The following RNF212 variants were observed in gnomAD, a reference collection of about 807,000 sequenced individuals.
RNF212 encodes ring finger protein 212.
Under a neutral mutation model 34.7 loss-of-function variants are expected in RNF212, and 33 were observed. The observed-to-expected ratio is 0.95, with a 90% confidence interval of 0.72 to 1.27. RNF212 has a LOEUF of 1.27. Among genes scored for constraint, RNF212 ranks in the 50% most tolerant of loss-of-function variants. RNF212 has a pLI of 0.00. For missense variants in RNF212, 377 were observed against 362.2 expected, an observed-to-expected ratio of 1.04 and a Z score of -0.33; for synonymous variants, 140 against 136.1, an observed-to-expected ratio of 1.03 and a Z score of -0.20.
chr4:1,072,808 T>G lies in RNF212; in HGVS notation c.*66A>C. The G allele has an allele frequency of 6.7e-7, 1 of 1,493,928 alleles. No homozygotes were observed. The highest frequency in any genetic ancestry group is 8.9e-7 in the Non-Finnish European group (1 of 1,118,132). 92.5% of individuals were successfully genotyped at this position (1,493,928 alleles called of 1,614,324 possible). On this transcript the variant is annotated 3_prime_UTR_variant, in exon 10 of 10. Coordinates refer to ENST00000433731, the MANE Select transcript of RNF212 (RefSeq NM_001131034.4). ...TGACAAAGGAATAAAGCAGATAATT[T>G]GTAGAAAAAACACAGAGGAATAAAT...
intron 3 of RNF212, among the ~76,000 whole-genome samples, chr4:1,061,579 A>G (rs1194184242): frequency 1.3e-5 from 2 of 152,198 alleles, no homozygotes; most frequent in Non-Finnish European, 2.9e-5. Flanking sequence ...GGCTCCCCAC[A>G]TGCACAGATC....
In RNF212 at chr4:1,072,610, A is replaced by C; in HGVS notation, c.*264T>G. 2.0e-6 allele frequency: 2 copies of C among 995,056 alleles called. No homozygotes were observed. Among genetic ancestry groups the C allele is most frequent in the Non-Finnish European group, 2.5e-6 (2 of 801,572 alleles). 61.6% of individuals were successfully genotyped at this position (995,056 alleles called of 1,614,324 possible). A position where few individuals can be genotyped will look rare whatever the true frequency, so the allele number is the denominator to read the frequency against. On this transcript the variant is annotated 3_prime_UTR_variant, in exon 10 of 10. Transcript: ENST00000433731. ...CACCCAGTTAGAAAAAAATGATTTA[A>C]GTATGTGAAAAAAAAACTCCCTAAG...
chr4:1,057,204 G>A (rs1350706053), intron 4 of RNF212, among the ~76,000 whole-genome samples: 1 of 152,200 alleles, frequency 6.6e-6, no homozygotes, highest in East Asian at 1.9e-4. Flanking sequence ...GCACCCAGGA[G>A]GGTCGACAAC....
chr4:1,061,928 C>T (rs1359811675), intron 3 of RNF212, among the ~76,000 whole-genome samples: 1 of 152,194 alleles, frequency 6.6e-6, no homozygotes, highest in Non-Finnish European at 1.5e-5. Flanking sequence ...TGACCACACT[C>T]AGGGAAAAGG....
chr4:1,105,682 C>T (rs549811167), intron 2 of RNF212, among the ~76,000 whole-genome samples: 71 of 152,364 alleles, frequency 4.7e-4, no homozygotes, highest in African/African-American at 1.6e-3. Context: ...CTGATTTCAC[C>T]GAAGTGCTCA....
At chr4:1,093,959 GA>G in intron 3 of RNF212, 1 of 1,536,238 alleles carries the variant, frequency 6.5e-7, no homozygotes, top group African/African-American at 1.4e-5. Context: ...CACCTCCTTG[GA>G]GGATGTGGCT....
chr4:1,057,993 G>A (rs1355661987), intron 4 of RNF212, among the ~76,000 whole-genome samples: 8 of 152,028 alleles, frequency 5.3e-5, no homozygotes, highest in Admixed American at 2.6e-4. Flanking sequence ...CCCAGGAGGC[G>A]GAGGTTGCGG....
intron 4 of RNF212, among the ~76,000 whole-genome samples, chr4:1,086,550 C>T (rs974962420): frequency 9.6e-6 from 1 of 104,144 alleles, no homozygotes; most frequent in East Asian, 2.8e-4. Context: ...TATGATGGGG[C>T]TGTGGTGGCC....
chr4:1,077,227 CTCAA>C (rs1421200823), intron 8 of RNF212, among the ~76,000 whole-genome samples: 1 of 152,160 alleles, frequency 6.6e-6, no homozygotes, highest in Non-Finnish European at 1.5e-5. Flanking sequence ...GAGACTCTGT[CTCAA>C]ACAAACAAAC....
chr4:1,089,566 T>C (rs987853936), intron 4 of RNF212, among the ~76,000 whole-genome samples: 2 of 152,142 alleles, frequency 1.3e-5, no homozygotes, highest in African/African-American at 2.4e-5. Context: ...TATGATTGTG[T>C]TTTGAAATGT....
rs561154205 is a variant in RNF212 at position 1,107,877 on chromosome 4, T to C, written c.171+466A>G. Among the ~76,000 whole-genome samples, 4 of 152,358 alleles carry C rather than the reference T, an allele frequency of 2.6e-5. No individual in the cohort carries two copies. The South Asian group carries it at 6.2e-4, about 24-fold the overall frequency. On this transcript the variant is annotated intron_variant, in intron 2 of 9. Transcript: ENST00000433731. Reference sequence around the variant, plus strand: ...TCAGACCAAATGCACATTTTGGAGATCAGGCAGAGAAAAGACCAATCATTT... The same window carrying C: ...TCAGACCAAATGCACATTTTGGAGACCAGGCAGAGAAAAGACCAATCATTT...
At chr4:1,070,713 T>A (rs1424169789), downstream of RNF212, among the ~76,000 whole-genome samples, 1 of 152,208 alleles carries the variant, frequency 6.6e-6, no homozygotes, top group Non-Finnish European at 1.5e-5. Flanking sequence ...CTGGCCAGAG[T>A]TACAGGTGGT....
intron 4 of RNF212, among the ~76,000 whole-genome samples, chr4:1,089,142 G>C (rs1721794807): frequency 6.6e-6 from 1 of 152,210 alleles, no homozygotes; most frequent in East Asian, 1.9e-4. Context: ...TGTGCACCTA[G>C]AAAAGCTGCA....
chr4:1,091,988 G>C (rs1722258668), intron 3 of RNF212, among the ~76,000 whole-genome samples: 1 of 152,194 alleles, frequency 6.6e-6, no homozygotes, highest in Non-Finnish European at 1.5e-5. Context: ...CATGGCCAGG[G>C]CACCTTTCCC....
intron 1 of RNF212, 133 bp from the exon 2 acceptor site, chr4:1,108,537 G>A (rs1042133716): frequency 4.3e-6 from 2 of 467,832 alleles, no homozygotes; most frequent in Non-Finnish European, 7.6e-6. Flanking sequence ...GTTCTGACAG[G>A]ATGAGGCTGT....
chr4:1,098,995 C>T (rs1303622939), intron 2 of RNF212, among the ~76,000 whole-genome samples: 1 of 152,136 alleles, frequency 6.6e-6, no homozygotes, highest in East Asian at 1.9e-4. Context: ...CTGAGTCATT[C>T]TACACATGAC....
chr4:1,113,470 G>T lies in RNF212; in HGVS notation c.-6C>A. 4.4e-6 allele frequency: 7 copies of T among 1,604,322 alleles called. No individual in the cohort carries two copies. The highest frequency in any genetic ancestry group is 1.1e-5 in the South Asian group (1 of 89,894). ...CAGAACACCCAGTTGGCCATGCCAGGCGGGCGACCGCAGCGGCGAGGCCGG... is the reference window on the plus strand; with the variant it reads ...CAGAACACCCAGTTGGCCATGCCAGTCGGGCGACCGCAGCGGCGAGGCCGG... On this transcript the variant is annotated 5_prime_UTR_variant, in exon 1 of 10. Transcript: ENST00000433731.
chr4:1,112,804 C>T (rs1335062941), intron 1 of RNF212, among the ~76,000 whole-genome samples: 7 of 104,856 alleles, frequency 6.7e-5, no homozygotes, highest in African/African-American at 2.6e-4. Flanking sequence ...CCCATCTCCT[C>T]GGTATCCCCC....
intron 4 of RNF212, among the ~76,000 whole-genome samples, chr4:1,087,867 C>A (rs1721590572): frequency 6.6e-6 from 1 of 151,966 alleles, no homozygotes; most frequent in Non-Finnish European, 1.5e-5. Flanking sequence ...GTGCCTTGCT[C>A]CCCCTTTGCC....
Sources: allele counts gnomAD v4.1 joint callset (sites outside exome capture counted in the v4.1 genomes callset), GRCh38; gene constraint gnomAD v4.1.1; transcripts MANE v1.5; gene names NCBI Gene and HGNC (gene_info 2026-07-23, HGNC 2026-07-21).